SCARA5: variants seen among roughly 807,000 people sequenced by gnomAD.
SCARA5 encodes the protein scavenger receptor class A, member 5 (putative).
SCARA5 carries 45 observed loss-of-function variants against 46.3 expected under a neutral mutation model. The ratio of observed to expected loss-of-function variants is 0.97; its 90% CI spans 0.76 to 1.24. The LOEUF (loss-of-function observed/expected upper bound fraction) is 1.24, where lower values mean the gene tolerates loss of function less well. SCARA5 is among the 50% of genes most tolerant of loss of function. The probability of loss-of-function intolerance (pLI) is 0.00; values close to 1 mark genes in which losing one functional copy is unlikely to be tolerated. For missense variants in SCARA5, 680 were observed against 689.0 expected, an observed-to-expected ratio of 0.99 and a Z score of 0.15; for synonymous variants, 333 against 306.5, an observed-to-expected ratio of 1.09 and a Z score of -0.90.
intron 3 of SCARA5, 101 bp from the exon 4 acceptor site, chr8:27,922,346 A>T: frequency 1.4e-6 from 1 of 714,138 alleles, no homozygotes; most frequent in South Asian, 2.2e-5. Context: ...GTAGGTGCTC[A>T]ATAAATGATA....
At chr8:27,911,534 A>G (rs1038278813) in intron 4 of SCARA5, among the ~76,000 whole-genome samples, 2 of 152,320 alleles carry the variant, frequency 1.3e-5, no homozygotes, top group Admixed American at 6.5e-5. Context: ...TCTACTAAAA[A>G]TACAAAAATT....
At position 27,872,051 on chromosome 8, in the gene SCARA5, C is replaced by G. The variant is rs1806648022; in HGVS notation, c.1371G>C (p.Met457Ile). 6.2e-7 allele frequency: 1 copy of G among 1,614,124 alleles called. No individual in the cohort carries two copies. Among genetic ancestry groups the G allele is most frequent in the African/African-American group, 1.3e-5 (1 of 74,938 alleles). Reference protein sequence around the residue: ...RFGQGTGRIWMDDVACKGTEE... With the variant: ...RFGQGTGRIWIDDVACKGTEE... ...CTGTGCCCTTGCAGGCAACGTCATC[C>G]ATCCAGATCCTCCCAGTGCCTGTGG... The change falls in exon 9 of 9, where the codon ATG becomes ATC. Residue 457 changes from methionine (M) to isoleucine (I), a missense_variant. Around this residue, in one of 3 missense-constraint regions of SCARA5, gnomAD observed 219 missense variants for 269.5 expected, o/e 0.81. Transcript: ENST00000354914.
intron 4 of SCARA5, among the ~76,000 whole-genome samples, chr8:27,918,135 T>C (rs1165102138): frequency 6.6e-6 from 1 of 152,178 alleles, no homozygotes; most frequent in South Asian, 2.1e-4. Flanking sequence ...GTCCTGATCA[T>C]TGAACTGTAC....
chr8:27,913,338 G>A (rs536822357), intron 4 of SCARA5, among the ~76,000 whole-genome samples: 2 of 152,296 alleles, frequency 1.3e-5, no homozygotes, highest in African/African-American at 4.8e-5. Context: ...CCAGAGCCTC[G>A]AGGGGCCGAG....
In SCARA5 at chr8:27,871,375, T is replaced by C; in HGVS notation, c.*559A>G. On this transcript the variant is annotated 3_prime_UTR_variant, in exon 9 of 9. Transcript: ENST00000354914. ...GTGACTTGCATTTCCCTCTTGCCCC[T>C]ACAGCTGGCTTCTCCTCTATGTCAC... 1 of 950,328 alleles carries C rather than the reference T, an allele frequency of 1.1e-6. No individual in the cohort carries two copies. Among genetic ancestry groups the C allele is most frequent in the Non-Finnish European group, 1.3e-6 (1 of 797,624 alleles). 58.9% of individuals were successfully genotyped at this position (950,328 alleles called of 1,614,324 possible).
Position 27,921,854 on chromosome 8 carries a change from G to A in SCARA5, c.633C>T (p.Arg211=). ...RHAGLLDGLA[R]RVGILGEELA... ...GCTCCTCGCCCAGGATGCCCACCCT[G>A]CGCGCCAGCCCGTCCAGCAGGCCCG... The change falls in exon 4 of 9, where the codon CGC becomes CGT. Residue 211 remains arginine, a synonymous_variant. Coordinates refer to ENST00000354914, the MANE Select transcript of SCARA5 (RefSeq NM_173833.6). 6.5e-7 allele frequency: 1 copy of A among 1,527,002 alleles called. No homozygotes were observed. Among genetic ancestry groups the A allele is most frequent in the Non-Finnish European group, 8.7e-7 (1 of 1,144,172 alleles). 94.6% of individuals were successfully genotyped at this position (1,527,002 alleles called of 1,614,324 possible).
chr8:27,949,616 G>A (rs748137461), intron 3 of SCARA5, among the ~76,000 whole-genome samples: 1 of 152,236 alleles, frequency 6.6e-6, no homozygotes. Flanking sequence ...AGCAGGGCAG[G>A]CAGATCGGAG....
Position 27,872,040 on chromosome 8 carries a change from G to T in SCARA5, c.1382C>A (p.Ala461Asp), listed in dbSNP as rs150289731. The change falls in exon 9 of 9, where the codon GCC (alanine) becomes GAC (aspartate). Residue 461 changes from alanine to aspartate, a missense_variant. This residue lies in a region of SCARA5 where 219 missense variants were observed against 269.5 expected (regional missense o/e 0.81). Transcript: ENST00000354914. ...GTGRIWMDDV[A>D]CKGTEETIFR... ...GATGGTTTCCTCTGTGCCCTTGCAGGCAACGTCATCCATCCAGATCCTCCC... is the reference window on the plus strand; with the variant it reads ...GATGGTTTCCTCTGTGCCCTTGCAGTCAACGTCATCCATCCAGATCCTCCC... 22 of 1,614,102 alleles carry T rather than the reference G, an allele frequency of 1.4e-5. No individual in the cohort carries two copies. The highest frequency in any genetic ancestry group is 1.9e-5 in the Non-Finnish European group (22 of 1,180,046).
chr8:27,970,715 G>A (rs1401566682), intron 2 of SCARA5, among the ~76,000 whole-genome samples: 1 of 152,052 alleles, frequency 6.6e-6, no homozygotes, highest in Non-Finnish European at 1.5e-5. Context: ...TCTTTCCTGG[G>A]CAAAGCCAAG....
Position 27,892,931 on chromosome 8 carries a change from C to T in SCARA5, c.1153+11847G>A, listed in dbSNP as rs1280726623. ...TCTCACCTCTTCTTAAAGTGGACAT[C>T]ATGGTGGCGGCTGGGAGCAACAGGG... is the stretch of plus-strand genomic sequence containing the variant. On this transcript the variant is annotated intron_variant, in intron 7 of 8. Coordinates refer to ENST00000354914, the MANE Select transcript of SCARA5 (RefSeq NM_173833.6). Among the ~76,000 whole-genome samples, 4 of 152,152 alleles carry T rather than the reference C, an allele frequency of 2.6e-5. No homozygotes were observed. In the East Asian group the frequency reaches 7.7e-4, roughly 29 times the overall value.
chr8:27,903,652 A>T (rs977124992), intron 7 of SCARA5: 1 of 152,376 alleles, frequency 6.6e-6, no homozygotes, highest in Non-Finnish European at 1.5e-5. Flanking sequence ...CTATTTATGG[A>T]GGCCTATGGC....
intron 7 of SCARA5, among the ~76,000 whole-genome samples, chr8:27,884,508 C>G (rs867040954): frequency 2.1e-4 from 32 of 152,254 alleles, no homozygotes; most frequent in South Asian, 1.0e-3. Flanking sequence ...AGGCCTGCAA[C>G]AGAAGCCACA....
intron 2 of SCARA5, among the ~76,000 whole-genome samples, chr8:27,969,570 A>G (rs1808417606): frequency 6.6e-6 from 1 of 152,176 alleles, no homozygotes; most frequent in South Asian, 2.1e-4. Context: ...TGATACTGTA[A>G]TGGTAGATGC....
At chr8:27,938,345 G>A (rs1807889785) in intron 3 of SCARA5, among the ~76,000 whole-genome samples, 1 of 68,052 alleles carries the variant, frequency 1.5e-5, no homozygotes, top group Non-Finnish European at 3.0e-5. Flanking sequence ...GTGTGGGATT[G>A]TAACTATAAT....
At chr8:27,972,071 C>A (rs890776945) in intron 2 of SCARA5, among the ~76,000 whole-genome samples, 13 of 152,170 alleles carry the variant, frequency 8.5e-5, no homozygotes, top group Non-Finnish European at 1.5e-5. Context: ...AATCCCAGCA[C>A]TTTGGGAGGC....
intron 3 of SCARA5, among the ~76,000 whole-genome samples, chr8:27,950,435 G>A (rs761249178): frequency 3.3e-5 from 5 of 152,106 alleles, no homozygotes; most frequent in East Asian, 1.9e-4. Flanking sequence ...CAGCCTGCAC[G>A]GCCAACTCTA....
chr8:27,894,007 A>G (rs1807024390), intron 7 of SCARA5, among the ~76,000 whole-genome samples: 1 of 152,228 alleles, frequency 6.6e-6, no homozygotes, highest in African/African-American at 2.4e-5. Context: ...GCCATCCCCA[A>G]ACCCAGCGAC....
At chr8:27,981,101 G>A (rs571899002) in intron 2 of SCARA5, among the ~76,000 whole-genome samples, 2 of 152,124 alleles carry the variant, frequency 1.3e-5, no homozygotes, top group Non-Finnish European at 2.9e-5. Flanking sequence ...TGTGCAAGGC[G>A]CTTTACCCGG....
chr8:27,949,382 G>C (rs1808087297), intron 3 of SCARA5, among the ~76,000 whole-genome samples: 1 of 152,210 alleles, frequency 6.6e-6, no homozygotes, highest in Non-Finnish European at 1.5e-5. Context: ...AACCTCGTTG[G>C]ACCTCAGTCT....
Sources: gnomAD v4.1 joint callset for allele counts (sites outside exome capture counted in the v4.1 genomes callset) on GRCh38, gnomAD v4.1.1 for gene constraint, gnomAD v4.1.1 regional missense constraint, MANE v1.5 for transcripts, NCBI Gene and HGNC (gene_info 2026-07-23, HGNC 2026-07-21) for gene names.